The following FSIP2 variants were observed in gnomAD, a reference collection of about 807,000 sequenced individuals.
FSIP2 encodes the protein fibrous sheath interacting protein 2, also known as fibrous sheath-interacting protein 2.
In FSIP2, 367 loss-of-function variants were observed where a neutral mutation model predicts 510.5. The observed-to-expected ratio is 0.72, with a 90% CI of 0.66 to 0.78. The LOEUF (loss-of-function observed/expected upper bound fraction) is 0.78, where lower values mean the gene tolerates loss of function less well. FSIP2 is among the 30% of genes least tolerant of loss of function. The probability of loss-of-function intolerance (pLI) is 0.00; values close to 1 mark genes in which losing one functional copy is unlikely to be tolerated. For missense variants in FSIP2, 7,594 were observed against 7,901.7 expected, an observed-to-expected ratio of 0.96 and a Z score of 1.48; for synonymous variants, 2,601 against 2,732.2, an observed-to-expected ratio of 0.95 and a Z score of 1.50.
Position 185,790,601 on chromosome 2 carries a change from C to T in FSIP2, c.3465C>T (p.Asp1155=), listed in dbSNP as rs1693098712. The T allele has an allele frequency of 4.6e-6, 7 of 1,534,020 alleles. No homozygotes were observed. The highest frequency in any genetic ancestry group is 1.7e-4 in the Middle Eastern group (1 of 5,984). Residue 1155 remains aspartate (D), a synonymous_variant, in exon 16 of 23, where the codon GAC becomes GAT. Transcript: ENST00000424728. ...GACTGTCACATCAAGAATGGATAGA[C>T]CAGATGTTTTCTGTTTCAGAAATCA... is the stretch of plus-strand genomic sequence containing the variant. ...PQGLSHQEWI[D]QMFSVSEIST...
chr2:185,794,877 C>A lies in FSIP2; in HGVS notation c.7741C>A (p.Pro2581Thr). ...CCACAATGATTCCTTACTAATGAAA[C>A]CATTAAGGTTTAGAGAAACTAAACA... ...SDHNDSLLMKPLRFRETKQAG... is the reference protein window; with the variant it reads ...SDHNDSLLMKTLRFRETKQAG... The change falls in exon 16 of 23, where the codon CCA becomes ACA. Residue 2581 changes from proline (P) to threonine (T), a missense_variant. Coordinates refer to ENST00000424728, the MANE Select transcript of FSIP2 (RefSeq NM_173651.4). The A allele has an allele frequency of 6.5e-7, 1 of 1,533,194 alleles. No individual in the cohort carries two copies. Among genetic ancestry groups the A allele is most frequent in the Non-Finnish European group, 8.7e-7 (1 of 1,144,876 alleles). 95.0% of individuals were successfully genotyped at this position (1,533,194 alleles called of 1,614,324 possible). A position where few individuals can be genotyped will look rare whatever the true frequency, so the allele number is the denominator to read the frequency against.
Position 185,794,678 on chromosome 2 carries a change from T to G in FSIP2, c.7542T>G (p.Phe2514Leu). Reference protein sequence around the residue: ...HLPPLNETANFISNSKIKTSD... With the variant: ...HLPPLNETANLISNSKIKTSD... ...CTCCACTTAATGAAACTGCCAACTT[T>G]ATATCTAATTCTAAGATTAAAACAT... Residue 2514 changes from phenylalanine (F) to leucine (L), a missense_variant, in exon 16 of 23, where the codon TTT (phenylalanine) becomes TTG (leucine). Coordinates refer to ENST00000424728, the MANE Select transcript of FSIP2 (RefSeq NM_173651.4). 1 of 1,533,726 alleles carries G rather than the reference T, an allele frequency of 6.5e-7. No homozygotes were observed. The highest frequency in any genetic ancestry group is 8.7e-7 in the Non-Finnish European group (1 of 1,145,520).
intron 13 of FSIP2, among the ~76,000 whole-genome samples, chr2:185,772,977 C>G (rs1692638583): frequency 6.6e-6 from 1 of 152,136 alleles, no homozygotes; most frequent in Non-Finnish European, 1.5e-5. Context: ...CTTCCCACCT[C>G]AGCTTCCCAA....
chr2:185,789,272 G>C lies in FSIP2; in HGVS notation c.2136G>C (p.Leu712Phe), dbSNP rs1220981106. ...CTGAAGTGATTTTAGAAAGCATTTT[G>C]CGAGAAATAATGTCTGATTTAACCC... ...GETEVILESI[L>F]REIMSDLTQA... The change falls in exon 16 of 23, where the codon TTG becomes TTC. Residue 712 changes from leucine to phenylalanine, a missense_variant. Leu to Phe is a conservative substitution (Grantham distance 22). Transcript: ENST00000424728. 1.7e-5 allele frequency: 26 copies of C among 1,534,448 alleles called. No homozygotes were observed. Among genetic ancestry groups the C allele is most frequent in the Non-Finnish European group, 2.3e-5 (26 of 1,145,908 alleles).
At chr2:185,745,303 T>C (rs981931183) in intron 4 of FSIP2, 126 bp from the exon 5 acceptor site, 2 of 537,954 alleles carry the variant, frequency 3.7e-6, no homozygotes, top group African/African-American at 3.9e-5. Context: ...CTTTAATGGA[T>C]TCAAAATAGA....
chr2:185,791,720 G>C lies in FSIP2; in HGVS notation c.4584G>C (p.Glu1528Asp). ...ACCCATCATTTGCTTCAATTATTGAGAAAATGGCCAAATCCACCAAAATAA... is the reference window on the plus strand; with the variant it reads ...ACCCATCATTTGCTTCAATTATTGACAAAATGGCCAAATCCACCAAAATAA... ...IDNPSFASIIEKMAKSTKIIS... is the reference protein window; with the variant it reads ...IDNPSFASIIDKMAKSTKIIS... The change falls in exon 16 of 23, where the codon GAG becomes GAC. Residue 1528 changes from glutamate (E) to aspartate (D), a missense_variant. Glu to Asp is a conservative substitution (Grantham distance 45). Coordinates refer to ENST00000424728, the MANE Select transcript of FSIP2 (RefSeq NM_173651.4). 1 of 1,534,468 alleles carries C rather than the reference G, an allele frequency of 6.5e-7. No individual in the cohort carries two copies. Among genetic ancestry groups the C allele is most frequent in the East Asian group, 2.4e-5 (1 of 40,844 alleles).
At position 185,804,365 on chromosome 2, in the gene FSIP2, T is replaced by C. The variant is rs1056384196; in HGVS notation, c.15059T>C (p.Met5020Thr). The change falls in exon 17 of 23, where the codon ATG (methionine) becomes ACG (threonine). Residue 5020 changes from methionine to threonine, a missense_variant. Physicochemically the swap from Met to Thr is moderately conservative, Grantham distance 81. Coordinates refer to ENST00000424728, the MANE Select transcript of FSIP2 (RefSeq NM_173651.4). ...NLCFSERYKE[M>T]VQKIVNSVYG... The stretch of plus-strand genomic sequence containing the variant: ...TGTTTCTCAGAAAGATACAAAGAAA[T>C]GGTTCAAAAAATAGTCAACTCAGTA... The C allele has an allele frequency of 1.1e-5, 17 of 1,499,894 alleles. No homozygotes were observed. The African/African-American group carries it at 1.7e-4, about 15-fold the overall frequency. 92.9% of individuals were successfully genotyped at this position (1,499,894 alleles called of 1,614,324 possible).
At chr2:185,818,957 T>G (rs1693869164) in intron 19 of FSIP2, among the ~76,000 whole-genome samples, 1 of 151,986 alleles carries the variant, frequency 6.6e-6, no homozygotes, top group African/African-American at 2.4e-5. Flanking sequence ...TTAGCTCATA[T>G]ATCCACTTTT....
Position 185,793,243 on chromosome 2 carries a change from G to A in FSIP2, c.6107G>A (p.Ser2036Asn), listed in dbSNP as rs1223761521. Residue 2036 changes from serine to asparagine, a missense_variant, in exon 16 of 23, where the codon AGT becomes AAT. Physicochemically the swap from Ser to Asn is conservative, Grantham distance 46. Transcript: ENST00000424728. ...ACTCATGACATTGGGATTTCTGAAAGTATTGCAAGTCAAATTGTTAACGCA... is the reference window on the plus strand; with the variant it reads ...ACTCATGACATTGGGATTTCTGAAAATATTGCAAGTCAAATTGTTAACGCA... ...FLTHDIGISE[S>N]IASQIVNALL... 7 of 1,534,000 alleles carry A rather than the reference G, an allele frequency of 4.6e-6. No individual in the cohort carries two copies. Among genetic ancestry groups the A allele is most frequent in the Non-Finnish European group, 5.2e-6 (6 of 1,145,562 alleles).
intron 14 of FSIP2, among the ~76,000 whole-genome samples, chr2:185,785,128 A>G (rs575159560): frequency 1.3e-5 from 2 of 152,230 alleles, no homozygotes; most frequent in South Asian, 4.1e-4. Context: ...AGAAAACAGA[A>G]AAGTGAATCT....
In FSIP2 at chr2:185,803,166, A is replaced by T; in HGVS notation, c.13860A>T (p.Ser4620=). The T allele has an allele frequency of 6.5e-7, 1 of 1,532,396 alleles. No homozygotes were observed. Among genetic ancestry groups the T allele is most frequent in the Non-Finnish European group, 8.7e-7 (1 of 1,144,708 alleles). The allele number at this position is 1,532,396 out of a possible 1,614,324, so 94.9% of individuals were successfully genotyped here. A position where few individuals can be genotyped will look rare whatever the true frequency, so the allele number is the denominator to read the frequency against. The change falls in exon 17 of 23, where the codon TCA becomes TCT. Residue 4620 remains serine (S), a synonymous_variant. Transcript: ENST00000424728. ...TATTTTATACCAGTGTTTACTCTTC[A>T]ACATTCTTGGAAGATGTAATCTCTG... ...RQLFYTSVYS[S]TFLEDVISGV...
At position 185,801,821 on chromosome 2, in the gene FSIP2, C is replaced by A. The variant is rs1302916034; in HGVS notation, c.12515C>A (p.Ser4172Tyr). Reference protein sequence around the residue: ...SSLGKKYLMSSDFNEMSTCII... With the variant: ...SSLGKKYLMSYDFNEMSTCII... ...TTAGGAAAAAAATATTTAATGAGTTCTGATTTTAATGAAATGTCCACTTGT... is the reference window on the plus strand; with the variant it reads ...TTAGGAAAAAAATATTTAATGAGTTATGATTTTAATGAAATGTCCACTTGT... The change falls in exon 17 of 23, where the codon TCT becomes TAT. Residue 4172 changes from serine to tyrosine, a missense_variant. By Grantham distance (144) the Ser-to-Tyr change is moderately radical (BLOSUM62 -2). Coordinates refer to ENST00000424728, the MANE Select transcript of FSIP2 (RefSeq NM_173651.4). 9.4e-6 allele frequency: 14 copies of A among 1,487,514 alleles called. No individual in the cohort carries two copies. Among genetic ancestry groups the A allele is most frequent in the Middle Eastern group, 1.7e-4 (1 of 5,734 alleles). 92.1% of individuals were successfully genotyped at this position (1,487,514 alleles called of 1,614,324 possible). A position where few individuals can be genotyped will look rare whatever the true frequency, so the allele number is the denominator to read the frequency against.
intron 13 of FSIP2, among the ~76,000 whole-genome samples, chr2:185,774,260 A>G (rs1692671235): frequency 6.6e-6 from 1 of 152,150 alleles, no homozygotes; most frequent in African/African-American, 2.4e-5. Context: ...TCCTGTATAT[A>G]ATGCCATATT....
intron 14 of FSIP2, among the ~76,000 whole-genome samples, chr2:185,784,567 T>C (rs1692924744): frequency 6.6e-6 from 1 of 152,046 alleles, no homozygotes; most frequent in Admixed American, 6.6e-5. Flanking sequence ...TAGGAATTTA[T>C]TTATCAAACA....
upstream of FSIP2, chr2:185,738,747 G>T (rs1031030552): frequency 4.6e-6 from 7 of 1,535,862 alleles, no homozygotes; most frequent in Admixed American, 5.9e-5. Flanking sequence ...TTCTGGGGCC[G>T]CTACCATTGG....
chr2:185,746,297 T>A (rs1388054540), intron 5 of FSIP2, among the ~76,000 whole-genome samples: 4 of 152,116 alleles, frequency 2.6e-5, no homozygotes, highest in Non-Finnish European at 4.4e-5. Flanking sequence ...TGTTTTTTTT[T>A]TTCCACATTT....
At chr2:185,780,027 CGT>C (rs1692810961) in intron 13 of FSIP2, among the ~76,000 whole-genome samples, 1 of 148,938 alleles carries the variant, frequency 6.7e-6, no homozygotes, top group Non-Finnish European at 1.5e-5. Context: ...GAGCCGAGAG[CGT>C]GCCACTGCAC....
At position 185,790,027 on chromosome 2, in the gene FSIP2, G is replaced by C. The variant is rs1179702244; in HGVS notation, c.2891G>C (p.Ser964Thr). Reference sequence around the variant, plus strand: ...AAAAGTAGGCAACCTAGAATAAGTAGTCCTTCTGACACCAAAGAAAAGTAC... The same window carrying C: ...AAAAGTAGGCAACCTAGAATAAGTACTCCTTCTGACACCAAAGAAAAGTAC... The part of the protein sequence containing the change: ...FQKSRQPRIS[S>T]PSDTKEKYRL... The change falls in exon 16 of 23, where the codon AGT (serine) becomes ACT (threonine). Residue 964 changes from serine to threonine, a missense_variant. By Grantham distance (58) the Ser-to-Thr change is moderately conservative. Coordinates refer to ENST00000424728, the MANE Select transcript of FSIP2 (RefSeq NM_173651.4). 1 of 1,533,604 alleles carries C rather than the reference G, an allele frequency of 6.5e-7. No individual in the cohort carries two copies. The highest frequency in any genetic ancestry group is 8.7e-7 in the Non-Finnish European group (1 of 1,145,422). 95.0% of individuals were successfully genotyped at this position (1,533,604 alleles called of 1,614,324 possible).
chr2:185,825,496 T>C (rs1399480850), intron 20 of FSIP2, among the ~76,000 whole-genome samples: 1 of 151,712 alleles, frequency 6.6e-6, no homozygotes, highest in Non-Finnish European at 1.5e-5. Flanking sequence ...ATTTGGGTGA[T>C]AGGTACACTA....
Sources: gnomAD v4.1 joint callset for allele counts (sites outside exome capture counted in the v4.1 genomes callset) on GRCh38, gnomAD v4.1.1 for gene constraint, MANE v1.5 for transcripts, NCBI Gene and HGNC (gene_info 2026-07-23, HGNC 2026-07-21) for gene names.